CRPPA: variants seen among roughly 807,000 people sequenced by gnomAD.
The protein encoded by CRPPA is CDP-L-ribitol pyrophosphorylase A.
A neutral mutation model predicts 52.0 loss-of-function variants in CRPPA; 43 were observed. The ratio of observed to expected loss-of-function variants is 0.83; its 90% CI spans 0.65 to 1.07. CRPPA has a LOEUF of 1.07. CRPPA is among the 50% of genes least tolerant of loss of function. The pLI, the probability that CRPPA is intolerant of heterozygous loss-of-function variation, is 0.00. For synonymous variants in CRPPA, 250 were observed against 203.5 expected (o/e 1.23, Z -1.94); for missense variants, 629 against 551.7 (o/e 1.14, Z -1.40).
At chr7:16,382,103 T>C (rs1787109533) in intron 2 of CRPPA, among the ~76,000 whole-genome samples, 1 of 152,130 alleles carries the variant, frequency 6.6e-6, no homozygotes, top group Non-Finnish European at 1.5e-5. Context: ...TCTTTATAAT[T>C]TGGCATGATT....
At chr7:16,221,655 C>T (rs1473206947) in intron 8 of CRPPA, among the ~76,000 whole-genome samples, 1 of 151,938 alleles carries the variant, frequency 6.6e-6, no homozygotes, top group Non-Finnish European at 1.5e-5. Context: ...AGACACTTCT[C>T]AAAAGAAGAC....
intron 1 of CRPPA, among the ~76,000 whole-genome samples, chr7:16,416,271 G>A (rs1788189065): frequency 6.6e-6 from 1 of 152,062 alleles, no homozygotes. Context: ...TTTGGGAAAA[G>A]GACTCCCTAT....
chr7:16,327,720 G>A (rs558110592), intron 3 of CRPPA, among the ~76,000 whole-genome samples: 22 of 150,324 alleles, frequency 1.5e-4, no homozygotes, highest in African/African-American at 5.4e-4. Context: ...TATTAAAAAT[G>A]TTCAAATTAA....
At chr7:16,169,978 T>C (rs545284819) in intron 9 of CRPPA, among the ~76,000 whole-genome samples, 1 of 152,354 alleles carries the variant, frequency 6.6e-6, no homozygotes, top group East Asian at 1.9e-4. Flanking sequence ...TATATTTTTC[T>C]GTGACCAGCA....
At chr7:16,392,442 G>A (rs888950707) in intron 2 of CRPPA, among the ~76,000 whole-genome samples, 2 of 152,068 alleles carry the variant, frequency 1.3e-5, no homozygotes, top group African/African-American at 2.4e-5. Flanking sequence ...TAGTTCATAT[G>A]ATAGACTTAT....
At chr7:16,214,215 G>C (rs916103294) in intron 9 of CRPPA, among the ~76,000 whole-genome samples, 3 of 152,048 alleles carry the variant, frequency 2.0e-5, no homozygotes, top group Non-Finnish European at 4.4e-5. Flanking sequence ...AAAAATTATT[G>C]TTTATGTGAA....
chr7:16,342,763 CAAAAAAAAA>C (rs368521163), intron 3 of CRPPA, among the ~76,000 whole-genome samples: 28,972 of 64,940 alleles, frequency 0.45, 5,006 homozygotes, highest in Non-Finnish European at 0.53. Flanking sequence ...CCTGTCTCCA[CAAAAAAAAA>C]AAAAAAAAAA....
At chr7:16,171,238 C>A (rs1022347999) in intron 9 of CRPPA, among the ~76,000 whole-genome samples, 17 of 152,158 alleles carry the variant, frequency 1.1e-4, no homozygotes, top group Admixed American at 5.9e-4. Flanking sequence ...TTTCTCCAAC[C>A]TTTTATGTAA....
intron 2 of CRPPA, among the ~76,000 whole-genome samples, chr7:16,403,518 T>G (rs556153207): frequency 6.6e-6 from 1 of 152,206 alleles, no homozygotes; most frequent in African/African-American, 2.4e-5. Context: ...GAAGGGGACC[T>G]TTAGGTAGAA....
intron 3 of CRPPA, among the ~76,000 whole-genome samples, chr7:16,335,288 G>A (rs967020379): frequency 1.3e-5 from 2 of 152,010 alleles, no homozygotes; most frequent in Non-Finnish European, 2.9e-5. Context: ...GGGAGGTCAA[G>A]GCTGCAATGA....
intron 8 of CRPPA, among the ~76,000 whole-genome samples, chr7:16,248,645 C>G (rs1783347255): frequency 6.6e-6 from 1 of 152,170 alleles, no homozygotes; most frequent in African/African-American, 2.4e-5. Flanking sequence ...CCAGCAAGAT[C>G]CACGCGGAAG....
rs750385366 is a variant in CRPPA at position 16,390,418 on chromosome 7, G to A, written c.535-14177C>T. On this transcript the variant is annotated intron_variant, in intron 2 of 9. Coordinates refer to ENST00000407010, the MANE Select transcript of CRPPA (RefSeq NM_001101426.4). ...AATCTATTTCAATCAGGCCATTATCGCCACACCACCACAAAAATACATTTA... is the reference window on the plus strand; with the variant it reads ...AATCTATTTCAATCAGGCCATTATCACCACACCACCACAAAAATACATTTA... Among the ~76,000 whole-genome samples the A allele has an allele frequency of 2.6e-5, 4 of 151,996 alleles. No individual in the cohort carries two copies. In the South Asian group the frequency reaches 6.2e-4, roughly 24 times the overall value.
chr7:16,286,698 C>T (rs778671452), intron 5 of CRPPA, among the ~76,000 whole-genome samples: 1 of 152,124 alleles, frequency 6.6e-6, no homozygotes, highest in Non-Finnish European at 1.5e-5. Flanking sequence ...AAGGAATGCA[C>T]AGGCAACAAT....
rs1781834608 is a variant in CRPPA, at chr7:16,091,420, T to C, written c.*275A>G. On this transcript the variant is annotated 3_prime_UTR_variant, in exon 10 of 10. Coordinates refer to ENST00000407010, the MANE Select transcript of CRPPA (RefSeq NM_001101426.4). ...CATTATTTCTATTTGACCGTTCATG[T>C]CTCTGTGGAAAGATTCATTTGAAGG... The C allele has an allele frequency of 3.5e-6, 1 of 289,494 alleles. No homozygotes were observed. The highest frequency in any genetic ancestry group is 6.3e-6 in the Non-Finnish European group (1 of 158,128). The allele number at this position is 289,494 out of a possible 1,614,324, so 17.9% of individuals were successfully genotyped here.
chr7:16,361,377 T>A (rs1265716337), intron 3 of CRPPA, among the ~76,000 whole-genome samples: 1 of 152,176 alleles, frequency 6.6e-6, no homozygotes, highest in Admixed American at 6.5e-5. Flanking sequence ...TTAAAAGAAC[T>A]GAAAGCCGAG....
chr7:16,130,464 AT>A (rs1172557150), intron 9 of CRPPA, among the ~76,000 whole-genome samples: 3 of 152,206 alleles, frequency 2.0e-5, no homozygotes, highest in African/African-American at 7.2e-5. Context: ...TTAAAACAGA[AT>A]TAAACAATAA....
intron 8 of CRPPA, among the ~76,000 whole-genome samples, chr7:16,254,174 GTGT>G (rs916170262): frequency 1.4e-4 from 22 of 152,188 alleles, no homozygotes; most frequent in African/African-American, 4.6e-4. Context: ...GTGGAAGACA[GTGT>G]GGCAATTCCT....
intron 8 of CRPPA, among the ~76,000 whole-genome samples, chr7:16,224,673 A>G (rs1782603865): frequency 6.6e-6 from 1 of 152,174 alleles, no homozygotes. Context: ...ATAAAACCCA[A>G]AATCTTCAAA....
intron 8 of CRPPA, chr7:16,235,783 G>C (rs561326010): frequency 3.3e-5 from 5 of 152,126 alleles, no homozygotes; most frequent in Admixed American, 2.0e-4. Flanking sequence ...AAATAGGTTT[G>C]TACTATTCGA....
Sources: gnomAD v4.1 joint callset for allele counts (sites outside exome capture counted in the v4.1 genomes callset) on GRCh38, gnomAD v4.1.1 for gene constraint, MANE v1.5 for transcripts, NCBI Gene and HGNC (gene_info 2026-07-23, HGNC 2026-07-21) for gene names.